KAZN: variants seen among roughly 807,000 people sequenced by gnomAD.
KAZN encodes kazrin, periplakin interacting protein.
A neutral mutation model predicts 87.4 loss-of-function variants in KAZN; 40 were observed. The ratio of observed to expected loss-of-function variants is 0.46; its 90% confidence interval spans 0.36 to 0.60. The LOEUF is 0.60. Ranked by LOEUF, KAZN falls within the 20% of genes least tolerant of loss-of-function variation. The pLI, the probability that KAZN is intolerant of heterozygous loss-of-function variation, is 0.00. For missense variants in KAZN, 898 were observed against 1,073.9 expected, an observed-to-expected ratio of 0.84 and a Z score of 2.29; for synonymous variants, 466 against 458.3, an observed-to-expected ratio of 1.02 and a Z score of -0.22.
intron 4 of KAZN, among the ~76,000 whole-genome samples, chr1:15,046,706 T>C (rs1257204084): frequency 1.3e-5 from 2 of 152,174 alleles, no homozygotes; most frequent in East Asian, 3.9e-4. Context: ...CCTTGTCCAA[T>C]GCTGACCCCT....
intron 1 of KAZN, among the ~76,000 whole-genome samples, chr1:13,961,079 C>T (rs72639092): frequency 0.069 from 10,440 of 152,222 alleles, 528 homozygotes; most frequent in East Asian, 0.29. Context: ...TTCTCCCCTA[C>T]ATTAGGGGCT....
At chr1:14,755,288 A>G (rs1644530627) in intron 1 of KAZN, among the ~76,000 whole-genome samples, 2 of 152,082 alleles carry the variant, frequency 1.3e-5, no homozygotes, top group South Asian at 4.1e-4. Context: ...CTTGCAAGGT[A>G]CTATTGCCAT....
rs181961161 is a variant in KAZN at position 14,304,126 on chromosome 1, C to T, written c.249+123534C>T. 5.8e-4 allele frequency among the ~76,000 whole-genome samples: 88 copies of T among 152,304 alleles called. 2 individuals are homozygous for T. The East Asian group carries it at 0.014, about 24-fold the overall frequency. On this transcript the variant is annotated intron_variant, in intron 2 of 16. Transcript: ENST00000636203. ...TTCTGTTTTCCCAAGGCTTCCCTTC[C>T]TCTGGGCATTTCCTTTTGGAGTGGT... is the stretch of plus-strand genomic sequence containing the variant.
intron 1 of KAZN, among the ~76,000 whole-genome samples, chr1:14,082,487 G>C (rs995402734): frequency 1.3e-5 from 2 of 152,154 alleles, no homozygotes; most frequent in Admixed American, 6.5e-5. Context: ...TTAAATGACT[G>C]CCCGGAGATG....
At chr1:14,474,520 C>T (rs943543089) in intron 2 of KAZN, among the ~76,000 whole-genome samples, 2 of 152,166 alleles carry the variant, frequency 1.3e-5, no homozygotes, top group African/African-American at 2.4e-5. Context: ...GAGGAATAAA[C>T]GAACAGTTGA....
chr1:14,899,917 C>T (rs944623394), intron 1 of KAZN, among the ~76,000 whole-genome samples: 22 of 152,364 alleles, frequency 1.4e-4, no homozygotes, highest in African/African-American at 4.8e-4. Context: ...CCAATGAAAG[C>T]TGGCGCATAA....
intron 1 of KAZN, among the ~76,000 whole-genome samples, chr1:14,906,984 C>G (rs1219932120): frequency 1.3e-5 from 2 of 151,924 alleles, no homozygotes; most frequent in Non-Finnish European, 2.9e-5. Flanking sequence ...GATGTGTCCT[C>G]TGACCTCGCT....
At chr1:14,874,256 T>G (rs1417664291) in intron 1 of KAZN, among the ~76,000 whole-genome samples, 1 of 152,026 alleles carries the variant, frequency 6.6e-6, no homozygotes, top group African/African-American at 2.4e-5. Flanking sequence ...GGGAAGAGGA[T>G]CCAACAAAGG....
At chr1:15,068,136 C>T (rs1232300995) in intron 8 of KAZN, 1 of 915,052 alleles carries the variant, frequency 1.1e-6, no homozygotes, top group Non-Finnish European at 1.3e-6. Context: ...CTAAATAAAG[C>T]TTATTTTAAA....
chr1:15,108,399 T>G (rs1208510128), intron 13 of KAZN, among the ~76,000 whole-genome samples: 1 of 152,208 alleles, frequency 6.6e-6, no homozygotes, highest in Non-Finnish European at 1.5e-5. Context: ...GAGGCCACAT[T>G]CTGGCTCCTC....
intron 1 of KAZN, among the ~76,000 whole-genome samples, chr1:14,876,111 G>A (rs75942161): frequency 0.03 from 4,503 of 152,324 alleles, 84 homozygotes; most frequent in Non-Finnish European, 0.041. Flanking sequence ...GATCTTAACA[G>A]ATGTTAGGAT....
chr1:14,561,710 C>A lies in KAZN; in HGVS notation c.250-37273C>A, dbSNP rs143794208. ...CCTGAGGTCAGGAGTTCAAGACAGA[C>A]CTGGCCAATATGATGAAACCCCATC... On this transcript the variant is annotated intron_variant, in intron 2 of 16. Coordinates refer to the KAZN transcript ENST00000636203. Among the ~76,000 whole-genome samples the A allele has an allele frequency of 8.7e-3, 1,325 of 152,142 alleles. 15 individuals are homozygous for A. Among genetic ancestry groups the A allele is most frequent in the African/African-American group, 0.03 (1,232 of 41,516 alleles).
chr1:14,536,674 G>C (rs1672522217), intron 2 of KAZN, among the ~76,000 whole-genome samples: 1 of 152,182 alleles, frequency 6.6e-6, no homozygotes, highest in Admixed American at 6.5e-5. Context: ...CTGAGGTCAG[G>C]AGTTCAAGAC....
intron 1 of KAZN, among the ~76,000 whole-genome samples, chr1:14,911,517 G>A (rs1035281981): frequency 1.3e-5 from 2 of 152,330 alleles, no homozygotes; most frequent in East Asian, 1.9e-4. Flanking sequence ...AAGTTTGGGT[G>A]GTCCCTGATG....
intron 1 of KAZN, among the ~76,000 whole-genome samples, chr1:14,846,993 C>A (rs966143146): frequency 9.2e-5 from 14 of 152,122 alleles, no homozygotes; most frequent in African/African-American, 3.4e-4. Flanking sequence ...GGGTTTTTTA[C>A]AACCTGCTCT....
chr1:14,291,359 C>T (rs1653677841), intron 2 of KAZN, among the ~76,000 whole-genome samples: 3 of 152,186 alleles, frequency 2.0e-5, no homozygotes, highest in Non-Finnish European at 2.9e-5. Flanking sequence ...GCTTCCCTGG[C>T]CGCTTTGTTT....
intron 1 of KAZN, among the ~76,000 whole-genome samples, chr1:14,847,890 G>A (rs1315621981): frequency 1.3e-5 from 2 of 152,188 alleles, no homozygotes; most frequent in Non-Finnish European, 2.9e-5. Context: ...TGAGGTGAGA[G>A]GATCACTCGA....
intron 2 of KAZN, among the ~76,000 whole-genome samples, chr1:14,181,445 G>A (rs1398088123): frequency 6.6e-6 from 1 of 152,164 alleles, no homozygotes; most frequent in Non-Finnish European, 1.5e-5. Flanking sequence ...TGGTTTCTTT[G>A]CTTTTGTTTC....
chr1:14,697,673 A>G (rs968384641), intron 1 of KAZN, among the ~76,000 whole-genome samples: 5 of 152,158 alleles, frequency 3.3e-5, no homozygotes, highest in Non-Finnish European at 7.4e-5. Context: ...ACTTCAGTCC[A>G]CTGAAAGAGT....
Sources: allele counts gnomAD v4.1 joint callset (sites outside exome capture counted in the v4.1 genomes callset), GRCh38; gene constraint gnomAD v4.1.1; transcripts MANE v1.5; gene names NCBI Gene and HGNC (gene_info 2026-07-23, HGNC 2026-07-21).